NUPR1: variants seen among roughly 807,000 people sequenced by gnomAD.
NUPR1 encodes the protein nuclear protein 1.
A neutral mutation model predicts 7.3 loss-of-function variants in NUPR1; 8 were observed. That is an observed-to-expected ratio of 1.09 (90% CI 0.64 to 1.97). The LOEUF (loss-of-function observed/expected upper bound fraction) is 1.97, where lower values mean the gene tolerates loss of function less well. Ranked by LOEUF, NUPR1 falls within the 30% of genes most tolerant of loss-of-function variation. NUPR1 has a pLI of 0.00. For missense variants in NUPR1, 96 were observed against 111.7 expected (o/e 0.86, Z 0.63); for synonymous variants, 39 against 44.5 (o/e 0.88, Z 0.49).
chr16:28,535,563 C>CTTTCTTTCTTT lies in NUPR1; in HGVS notation c.*2119_*2120insAAAGAAAGAAA, dbSNP rs780569587. The CTTTCTTTCTTT allele has an allele frequency of 3.3e-4, 22 of 67,176 alleles. No homozygotes were observed. The highest frequency in any genetic ancestry group is 4.0e-4 in the African/African-American group (8 of 19,920). The allele number at this position is 67,176 out of a possible 1,614,324, so 4.2% of individuals were successfully genotyped here. A position where few individuals can be genotyped will look rare whatever the true frequency, so the allele number is the denominator to read the frequency against. The stretch of plus-strand genomic sequence containing the variant: ...TCTTTCCTTCTTTCTTTCTTTCTTT[C>CTTTCTTTCTTT]CTTCCTTCCTTTCTTTCTTTCTTTC... On this transcript the variant is annotated 3_prime_UTR_variant, in exon 3 of 3. Transcript: ENST00000324873.
At chr16:28,538,272 G>T in intron 1 of NUPR1, 117 bp from the exon 2 acceptor site, 2 of 1,447,226 alleles carry the variant, frequency 1.4e-6, no homozygotes, top group Non-Finnish European at 1.9e-6. Context: ...GAAGCCTGCT[G>T]CTTCCCCTCT....
In NUPR1 at chr16:28,538,922, C is replaced by T. The variant is rs745928640; in HGVS notation, c.-15G>A. ...AAGGTGGCCATCGTGCCTGGCTTGT[C>T]TTCCCTGCCTCTCTTCTTCTCCTAA... On this transcript the variant is annotated 5_prime_UTR_variant, in exon 1 of 3. Coordinates refer to ENST00000324873, the MANE Select transcript of NUPR1 (RefSeq NM_012385.3). 8 of 1,601,766 alleles carry T rather than the reference C, an allele frequency of 5.0e-6. No homozygotes were observed. In the South Asian group the frequency reaches 6.6e-5, roughly 13 times the overall value.
Position 28,536,963 on chromosome 16 carries a change from T to C in NUPR1, c.*720A>G, listed in dbSNP as rs1288777340. On this transcript the variant is annotated 3_prime_UTR_variant, in exon 3 of 3. Transcript: ENST00000324873. ...AGGCGTGAGCCACTGCCCCCGGCCCTGGCTTTTAATATTTTAAATCTCAGT... is the reference window on the plus strand; with the variant it reads ...AGGCGTGAGCCACTGCCCCCGGCCCCGGCTTTTAATATTTTAAATCTCAGT... 6.6e-6 allele frequency: 1 copy of C among 152,196 alleles called. No individual in the cohort carries two copies. Among genetic ancestry groups the C allele is most frequent in the African/African-American group, 2.4e-5 (1 of 41,432 alleles). The allele number at this position is 152,196 out of a possible 1,614,324, so 9.4% of individuals were successfully genotyped here.
chr16:28,535,298 CCTCCTTCTCTCT>C lies in NUPR1; in HGVS notation c.*2373_*2384del, dbSNP rs1381014661. The C allele has an allele frequency of 6.6e-6, 1 of 151,554 alleles. No individual in the cohort carries two copies. The highest frequency in any genetic ancestry group is 1.9e-4 in the East Asian group (1 of 5,160). 9.4% of individuals were successfully genotyped at this position (151,554 alleles called of 1,614,324 possible). On this transcript the variant is annotated 3_prime_UTR_variant, in exon 3 of 3. Coordinates refer to ENST00000324873, the MANE Select transcript of NUPR1 (RefSeq NM_012385.3). ...CCCTCCTTTCCTTCCTCTTTCTTTC[CCTCCTTCTCTCT>C]TTCTTTCTCTCTCTTTTTCTTTTTT...
intron 1 of NUPR1, 53 bp from the exon 2 acceptor site, chr16:28,538,208 C>T (rs1806093328): frequency 6.2e-7 from 1 of 1,612,012 alleles, no homozygotes; most frequent in Admixed American, 1.7e-5. Flanking sequence ...TGATGAGAGG[C>T]CCTGTCAGAG....
intron 1 of NUPR1, 61 bp downstream of exon 1, chr16:28,538,735 G>C (rs527708891): frequency 2.4e-6 from 3 of 1,235,678 alleles, no homozygotes; most frequent in East Asian, 4.6e-5. Context: ...GGAAACAAGA[G>C]GGGTGGGTCC....
In NUPR1 at chr16:28,535,599, T is replaced by C. The variant is rs1242639710; in HGVS notation, c.*2084A>G. 456 of 47,274 alleles carry C rather than the reference T, an allele frequency of 9.6e-3. 20 individuals carry two copies. The highest frequency in any genetic ancestry group is 0.061 in the African/African-American group (436 of 7,142). The allele number at this position is 47,274 out of a possible 1,614,324, so 2.9% of individuals were successfully genotyped here. A position where few individuals can be genotyped will look rare whatever the true frequency, so the allele number is the denominator to read the frequency against. On this transcript the variant is annotated 3_prime_UTR_variant, in exon 3 of 3. Transcript: ENST00000324873. The stretch of plus-strand genomic sequence containing the variant: ...TTCTTTCTTTCTTTCTTTCTTTCTT[T>C]CTTTCTTTCTTTCTTTCTTTCTTCT...
In NUPR1 at chr16:28,538,141, T is replaced by A; in HGVS notation, c.127A>T (p.Lys43Ter). 1 of 1,614,186 alleles carries A rather than the reference T, an allele frequency of 6.2e-7. No homozygotes were observed. The highest frequency in any genetic ancestry group is 1.1e-5 in the South Asian group (1 of 91,084). The change falls in exon 2 of 3, where the codon AAA becomes TAA. Residue 43 changes from lysine to a stop codon, truncating the protein, a stop_gained. Coordinates refer to ENST00000324873, the MANE Select transcript of NUPR1 (RefSeq NM_012385.3). LOFTEE classifies it high-confidence loss of function. ...AHSYLGGGGR[K>*]GRTKREAAAN... ...GCAGCTTCTCTCTTGGTGCGACCTT[T>A]CCGGCCTCCACCTCCTGTAACCAAG...
In NUPR1 at chr16:28,535,583, T is replaced by TCTTTCCTTC. The variant is rs2046611792; in HGVS notation, c.*2099_*2100insGAAGGAAAG. ...TCTTTCCTTCCTTCCTTTCTTTCTT[T>TCTTTCCTTC]CTTTCTTTCTTTCTTTCTTTCTTTC... On this transcript the variant is annotated 3_prime_UTR_variant, in exon 3 of 3. Coordinates refer to ENST00000324873, the MANE Select transcript of NUPR1 (RefSeq NM_012385.3). The TCTTTCCTTC allele has an allele frequency of 2.3e-5, 1 of 43,194 alleles. No individual in the cohort carries two copies. The highest frequency in any genetic ancestry group is 4.0e-5 in the Non-Finnish European group (1 of 25,280). 2.7% of individuals were successfully genotyped at this position (43,194 alleles called of 1,614,324 possible).
At position 28,535,608 on chromosome 16, in the gene NUPR1, C is replaced by CTTTCTTTCTT. The variant is rs1248319946; in HGVS notation, c.*2065_*2074dup. The CTTTCTTTCTT allele has an allele frequency of 1.2e-4, 1 of 8,190 alleles. No individual in the cohort carries two copies. Among genetic ancestry groups the CTTTCTTTCTT allele is most frequent in the Non-Finnish European group, 6.3e-4 (1 of 1,592 alleles). 0.5% of individuals were successfully genotyped at this position (8,190 alleles called of 1,614,324 possible). A position where few individuals can be genotyped will look rare whatever the true frequency, so the allele number is the denominator to read the frequency against. The stretch of plus-strand genomic sequence containing the variant: ...TCTTTCTTTCTTTCTTTCTTTCTTT[C>CTTTCTTTCTT]TTTCTTTCTTTCTTCTCTTTCTCTC... On this transcript the variant is annotated 3_prime_UTR_variant, in exon 3 of 3. Transcript: ENST00000324873.
chr16:28,538,010 A>T lies in NUPR1; in HGVS notation c.*9T>A. On this transcript the variant is annotated 3_prime_UTR_variant, in exon 2 of 3. Transcript: ENST00000324873. ...CTGGGCCCCCCGACTCCTTACCTCCAGCTCTGTCTCAGCGCCGTGCCCCTC... is the reference window on the plus strand; with the variant it reads ...CTGGGCCCCCCGACTCCTTACCTCCTGCTCTGTCTCAGCGCCGTGCCCCTC... 1 of 1,610,068 alleles carries T rather than the reference A, an allele frequency of 6.2e-7. No homozygotes were observed. Among genetic ancestry groups the T allele is most frequent in the Non-Finnish European group, 8.5e-7 (1 of 1,177,502 alleles).
At chr16:28,538,199 G>C (rs2046638768) in intron 1 of NUPR1, 44 bp from the exon 2 acceptor site, 1 of 1,613,166 alleles carries the variant, frequency 6.2e-7, no homozygotes, top group African/African-American at 1.3e-5. Flanking sequence ...GCATAGGCAT[G>C]ATGAGAGGCC....
Position 28,538,924 on chromosome 16 carries a change from T to TC in NUPR1, c.-18dup. 1 of 1,598,574 alleles carries TC rather than the reference T, an allele frequency of 6.3e-7. No homozygotes were observed. The highest frequency in any genetic ancestry group is 8.6e-7 in the Non-Finnish European group (1 of 1,169,130). On this transcript the variant is annotated 5_prime_UTR_variant, in exon 1 of 3. Coordinates refer to ENST00000324873, the MANE Select transcript of NUPR1 (RefSeq NM_012385.3). ...GGTGGCCATCGTGCCTGGCTTGTCTTCCCTGCCTCTCTTCTTCTCCTAACG... is the reference window on the plus strand; with the variant it reads ...GGTGGCCATCGTGCCTGGCTTGTCTTCCCCTGCCTCTCTTCTTCTCCTAACG...
Position 28,535,636 on chromosome 16 carries a change from TTTC to T in NUPR1, c.*2044_*2046del, listed in dbSNP as rs1363736904. On this transcript the variant is annotated 3_prime_UTR_variant, in exon 3 of 3. Coordinates refer to ENST00000324873, the MANE Select transcript of NUPR1 (RefSeq NM_012385.3). ...TCTTTCTTTCTTCTCTTTCTCTCTCTTTCTTCTTTTTCTCTCCTTTCTCTCTTT... is the reference window on the plus strand; with the variant it reads ...TCTTTCTTTCTTCTCTTTCTCTCTCTTTCTTTTTCTCTCCTTTCTCTCTTT... The T allele has an allele frequency of 2.0e-5, 3 of 146,826 alleles. No individual in the cohort carries two copies. Among genetic ancestry groups the T allele is most frequent in the African/African-American group, 5.0e-5 (2 of 40,098 alleles). The allele number at this position is 146,826 out of a possible 1,614,324, so 9.1% of individuals were successfully genotyped here.
chr16:28,538,958 GTC>G lies in NUPR1; in HGVS notation c.-53_-52del. The G allele has an allele frequency of 6.7e-7, 1 of 1,503,628 alleles. No individual in the cohort carries two copies. Among genetic ancestry groups the G allele is most frequent in the South Asian group, 1.1e-5 (1 of 87,152 alleles). The allele number at this position is 1,503,628 out of a possible 1,614,324, so 93.1% of individuals were successfully genotyped here. ...CTCTTCTTCTCCTAACGCTTTGTCT[GTC>G]TCTGCTTTCCTGGCCCCGGGCCTCT... is the stretch of plus-strand genomic sequence containing the variant. On this transcript the variant is annotated 5_prime_UTR_variant, in exon 1 of 3. Coordinates refer to ENST00000324873, the MANE Select transcript of NUPR1 (RefSeq NM_012385.3).
In NUPR1 at chr16:28,537,989, G is replaced by T; in HGVS notation, c.*13+17C>A. The stretch of plus-strand genomic sequence containing the variant: ...AGAAGCACCACCTTGAGCTCTCTGG[G>T]CCCCCCGACTCCTTACCTCCAGCTC... On this transcript the variant is annotated intron_variant, in intron 2 of 2. Coordinates refer to ENST00000324873, the MANE Select transcript of NUPR1 (RefSeq NM_012385.3). 1 of 1,593,714 alleles carries T rather than the reference G, an allele frequency of 6.3e-7. No homozygotes were observed.
In NUPR1 at chr16:28,535,912, T is replaced by C. The variant is rs1328176757; in HGVS notation, c.*1771A>G. The stretch of plus-strand genomic sequence containing the variant: ...TTTTTGTAGAGACAGGGCCTTGGTA[T>C]GTTGCCTAGGCTGGTCTCGAACTCC... On this transcript the variant is annotated 3_prime_UTR_variant, in exon 3 of 3. Coordinates refer to ENST00000324873, the MANE Select transcript of NUPR1 (RefSeq NM_012385.3). 1 of 151,980 alleles carries C rather than the reference T, an allele frequency of 6.6e-6. No individual in the cohort carries two copies. The highest frequency in any genetic ancestry group is 2.0e-4 in the East Asian group (1 of 5,078). The allele number at this position is 151,980 out of a possible 1,614,324, so 9.4% of individuals were successfully genotyped here.
intron 2 of NUPR1, 70 bp downstream of exon 2, chr16:28,537,936 A>T: frequency 1.5e-6 from 2 of 1,313,014 alleles, no homozygotes; most frequent in South Asian, 2.7e-5. Context: ...CCACCCAATC[A>T]CACACCTTCC....
chr16:28,534,921 G>A lies in NUPR1; in HGVS notation c.*2762C>T, dbSNP rs2046601176. On this transcript the variant is annotated 3_prime_UTR_variant, in exon 3 of 3. Transcript: ENST00000324873. Reference sequence around the variant, plus strand: ...CTGGAATCCTCAACACAATGGAGCTGCCATTTGAACCCAGGAGGACTTGGG... The same window carrying A: ...CTGGAATCCTCAACACAATGGAGCTACCATTTGAACCCAGGAGGACTTGGG... The A allele has an allele frequency of 6.6e-6, 1 of 152,166 alleles. No homozygotes were observed. The highest frequency in any genetic ancestry group is 1.5e-5 in the Non-Finnish European group (1 of 68,048). 9.4% of individuals were successfully genotyped at this position (152,166 alleles called of 1,614,324 possible). A position where few individuals can be genotyped will look rare whatever the true frequency, so the allele number is the denominator to read the frequency against.
Sources: gnomAD v4.1 joint callset for allele counts on GRCh38, gnomAD v4.1.1 for gene constraint, MANE v1.5 for transcripts, NCBI Gene and HGNC (gene_info 2026-07-23, HGNC 2026-07-21) for gene names.